The following BMP7 variants were observed in gnomAD, a reference collection of about 807,000 sequenced individuals.
BMP7 encodes the protein osteogenic protein 1.
BMP7 carries 12 observed loss-of-function variants against 41.2 expected under a neutral mutation model. The observed-to-expected ratio is 0.29, with a 90% confidence interval of 0.19 to 0.47. BMP7 has a LOEUF of 0.47. Among genes scored for constraint, BMP7 ranks in the 20% least tolerant of loss-of-function variants. The pLI, the probability that BMP7 is intolerant of heterozygous loss-of-function variation, is 0.99. For missense variants in BMP7, 467 were observed against 606.0 expected, an observed-to-expected ratio of 0.77 and a Z score of 2.41; for synonymous variants, 248 against 250.0, an observed-to-expected ratio of 0.99 and a Z score of 0.07.
intron 3 of BMP7, among the ~76,000 whole-genome samples, chr20:57,198,027 T>C (rs979778012): frequency 2.0e-5 from 3 of 151,922 alleles, no homozygotes; most frequent in Non-Finnish European, 4.4e-5. Context: ...AGCTGCAGGA[T>C]TCCCTCCACT....
intron 1 of BMP7, among the ~76,000 whole-genome samples, chr20:57,247,020 T>C (rs565952663): frequency 1.3e-5 from 2 of 151,666 alleles, no homozygotes; most frequent in African/African-American, 4.8e-5. Flanking sequence ...AAAGGGTGCT[T>C]GGCACATAGT....
At chr20:57,192,988 GA>G (rs1984409474) in intron 3 of BMP7, among the ~76,000 whole-genome samples, 1 of 152,180 alleles carries the variant, frequency 6.6e-6, no homozygotes, top group African/African-American at 2.4e-5. Context: ...TGCCAGGTGG[GA>G]AAGGGGCCCG....
At chr20:57,179,274 C>T (rs1206951263) in intron 4 of BMP7, among the ~76,000 whole-genome samples, 2 of 152,252 alleles carry the variant, frequency 1.3e-5, no homozygotes, top group African/African-American at 2.4e-5. Context: ...CTGCCCCACC[C>T]GCCCCCAAGC....
chr20:57,215,972 C>T lies in BMP7; in HGVS notation c.611+12257G>A, dbSNP rs997793298. The T allele has an allele frequency of 5.9e-5, 9 of 151,594 alleles. No individual in the cohort carries two copies. Among genetic ancestry groups the T allele is most frequent in the African/African-American group, 2.2e-4 (9 of 41,214 alleles). The allele number at this position is 151,594 out of a possible 1,614,324, so 9.4% of individuals were successfully genotyped here. A position where few individuals can be genotyped will look rare whatever the true frequency, so the allele number is the denominator to read the frequency against. ...CAGAGACAGAAAAAGTGCAGCAAAG[C>T]AGGGCGACAAGGGGAAAGAAACTTG... On this transcript the variant is annotated intron_variant, in intron 2 of 6. Coordinates refer to ENST00000395863, the MANE Select transcript of BMP7 (RefSeq NM_001719.3). This position sits in a 1 kb window ranked among gnomAD's most constrained non-coding sequence, Gnocchi z 4.2.
intron 1 of BMP7, among the ~76,000 whole-genome samples, chr20:57,231,559 T>C (rs542577971): frequency 2.0e-5 from 3 of 152,262 alleles, no homozygotes; most frequent in Non-Finnish European, 4.4e-5. Flanking sequence ...CTCGAGTGCT[T>C]TTCTCCAGGG....
chr20:57,264,186 C>A (rs1403565512), intron 1 of BMP7, among the ~76,000 whole-genome samples: 2 of 152,226 alleles, frequency 1.3e-5, no homozygotes, highest in Non-Finnish European at 2.9e-5. Flanking sequence ...AGACAATGGC[C>A]TCCCGGGAAC....
At chr20:57,232,728 T>C (rs992313293) in intron 1 of BMP7, among the ~76,000 whole-genome samples, 1 of 152,196 alleles carries the variant, frequency 6.6e-6, no homozygotes, top group East Asian at 1.9e-4. Context: ...ATTTCCTTCA[T>C]TAATTAGTTG....
At chr20:57,176,815 C>T (rs1300717022) in intron 4 of BMP7, among the ~76,000 whole-genome samples, 1 of 149,730 alleles carries the variant, frequency 6.7e-6, no homozygotes, top group Non-Finnish European at 1.5e-5. Context: ...GAATGCATGG[C>T]TCTTTCCTCC....
At chr20:57,253,961 T>C (rs530423666) in intron 1 of BMP7, among the ~76,000 whole-genome samples, 1 of 151,966 alleles carries the variant, frequency 6.6e-6, no homozygotes, top group Non-Finnish European at 1.5e-5. Context: ...GATGTCCTTG[T>C]TCTGGCCTAA....
At chr20:57,231,966 C>T (rs975748640) in intron 1 of BMP7, among the ~76,000 whole-genome samples, 1 of 152,232 alleles carries the variant, frequency 6.6e-6, no homozygotes, top group South Asian at 2.1e-4. Context: ...GCACTCTTTG[C>T]CATCATCTGA....
chr20:57,235,218 C>A (rs1172762545), intron 1 of BMP7, among the ~76,000 whole-genome samples: 1 of 152,238 alleles, frequency 6.6e-6, no homozygotes, highest in Non-Finnish European at 1.5e-5. Context: ...CTGTCTAGAA[C>A]CCTATCGTAT....
In BMP7 at chr20:57,169,356, T is replaced by G. The variant is rs4141955; in HGVS notation, c.*1603A>C. On this transcript the variant is annotated 3_prime_UTR_variant, in exon 7 of 7. Coordinates refer to ENST00000395863, the MANE Select transcript of BMP7 (RefSeq NM_001719.3). ...GTTTGCAGACAGTCTAGCCCTCCCCTAGGCCTTGTGTTTGTGGCCGGAGGC... is the reference window on the plus strand; with the variant it reads ...GTTTGCAGACAGTCTAGCCCTCCCCGAGGCCTTGTGTTTGTGGCCGGAGGC... 0.94 allele frequency: 142,721 copies of G among 152,282 alleles called. 67,600 individuals carry two copies. Among genetic ancestry groups the G allele is most frequent in the East Asian group, 1 (5,174 of 5,174 alleles). The allele number at this position is 152,282 out of a possible 1,614,324, so 9.4% of individuals were successfully genotyped here. A position where few individuals can be genotyped will look rare whatever the true frequency, so the allele number is the denominator to read the frequency against.
chr20:57,234,338 G>A (rs890721247), intron 1 of BMP7, among the ~76,000 whole-genome samples: 1 of 152,232 alleles, frequency 6.6e-6, no homozygotes, highest in Non-Finnish European at 1.5e-5. Flanking sequence ...GCTCTGGGAA[G>A]CCCCTTGCCA....
Position 57,228,007 on chromosome 20 carries a change from C to T in BMP7, c.611+222G>A, listed in dbSNP as rs537863534. On this transcript the variant is annotated intron_variant, in intron 2 of 6. Transcript: ENST00000395863. The surrounding 1 kb of genome is among the most constrained non-coding windows in gnomAD (Gnocchi z 4.5). ...GCCTATAAAAACCCACAAGGCACCACGCATCCCTGGGCTCCCTGGCCTTCT... is the reference window on the plus strand; with the variant it reads ...GCCTATAAAAACCCACAAGGCACCATGCATCCCTGGGCTCCCTGGCCTTCT... 5.9e-5 allele frequency among the ~76,000 whole-genome samples: 9 copies of T among 152,284 alleles called. No individual in the cohort carries two copies. Among genetic ancestry groups the T allele is most frequent in the East Asian group, 1.9e-4 (1 of 5,184 alleles).
intron 1 of BMP7, among the ~76,000 whole-genome samples, chr20:57,236,511 T>A (rs2066048447): frequency 6.6e-6 from 1 of 152,108 alleles, no homozygotes; most frequent in South Asian, 2.1e-4. Context: ...AAAAATGCAT[T>A]TATGATGAGA....
At chr20:57,265,042 A>AAAAAAGAAAAG (rs1555819055) in intron 1 of BMP7, among the ~76,000 whole-genome samples, 11 of 120,156 alleles carry the variant, frequency 9.2e-5, no homozygotes, top group South Asian at 5.0e-4. Flanking sequence ...AAAAAAAAAA[A>AAAAAAGAAAAG]AAAAGAAAAG....
chr20:57,236,462 G>C (rs1376572491), intron 1 of BMP7, among the ~76,000 whole-genome samples: 1 of 152,186 alleles, frequency 6.6e-6, no homozygotes, highest in African/African-American at 2.4e-5. Context: ...GCTCAAGCTG[G>C]GAGCTGTTGA....
chr20:57,258,286 T>TC (rs1158113453), intron 1 of BMP7, among the ~76,000 whole-genome samples: 1 of 152,236 alleles, frequency 6.6e-6, no homozygotes, highest in African/African-American at 2.4e-5. Flanking sequence ...TTCTCTTTCG[T>TC]CCTCTGGTCT....
In BMP7 at chr20:57,228,114, A is replaced by C. The variant is rs1274531293; in HGVS notation, c.611+115T>G. On this transcript the variant is annotated intron_variant, in intron 2 of 6. Transcript: ENST00000395863. The surrounding 1 kb of genome is among the most constrained non-coding windows in gnomAD (Gnocchi z 4.5). ...CCTTCTTTAGAAGGGATAATCTGGT[A>C]CAGGGCCTGGCACGTGGTTGTGCCA... is the stretch of plus-strand genomic sequence containing the variant. 1.7e-6 allele frequency: 2 copies of C among 1,167,724 alleles called. No individual in the cohort carries two copies. The highest frequency in any genetic ancestry group is 3.0e-5 in the African/African-American group (2 of 66,036). The allele number at this position is 1,167,724 out of a possible 1,614,324, so 72.3% of individuals were successfully genotyped here.
Sources: allele counts gnomAD v4.1 joint callset (sites outside exome capture counted in the v4.1 genomes callset), GRCh38; gene constraint gnomAD v4.1.1; non-coding constraint Gnocchi (gnomAD v3.1); transcripts MANE v1.5; gene names NCBI Gene and HGNC (gene_info 2026-07-23, HGNC 2026-07-21).